CORO2B: variants seen among roughly 807,000 people sequenced by gnomAD.
CORO2B encodes coronin 2B.
CORO2B carries 26 observed loss-of-function variants against 58.8 expected under a neutral mutation model. The observed-to-expected ratio is 0.44, with a 90% CI of 0.32 to 0.61. The LOEUF is 0.61. CORO2B is among the 20% of genes least tolerant of loss of function. The probability of loss-of-function intolerance (pLI) is 0.04; values close to 1 mark genes in which losing one functional copy is unlikely to be tolerated. For missense variants in CORO2B, 460 were observed against 645.1 expected, an observed-to-expected ratio of 0.71 and a Z score of 3.11; for synonymous variants, 242 against 253.8, an observed-to-expected ratio of 0.95 and a Z score of 0.44.
chr15:68,543,497 G>T, the CORO2B span, among the ~76,000 whole-genome samples: 1 of 152,072 alleles, frequency 6.6e-6, no homozygotes, highest in Non-Finnish European at 1.5e-5. Context: ...GGGGCTGGTG[G>T]ATCCCCAATC....
In CORO2B at chr15:68,727,248, C is replaced by T. The variant is rs970791135; in HGVS notation, c.*1274C>T. The T allele has an allele frequency of 2.0e-5, 3 of 152,684 alleles. No individual in the cohort carries two copies. The highest frequency in any genetic ancestry group is 4.8e-5 in the African/African-American group (2 of 41,466). The allele number at this position is 152,684 out of a possible 1,614,324, so 9.5% of individuals were successfully genotyped here. A position where few individuals can be genotyped will look rare whatever the true frequency, so the allele number is the denominator to read the frequency against. On this transcript the variant is annotated 3_prime_UTR_variant, in exon 12 of 12. Transcript: ENST00000261861. ...TTTGACACATAGGATCTCATGGAGC[C>T]TCACGTCTACTCCCTTCTGCAGATG...
intron 2 of CORO2B, among the ~76,000 whole-genome samples, chr15:68,673,656 G>A (rs1902476326): frequency 6.6e-6 from 1 of 152,062 alleles, no homozygotes. Context: ...GGCCAACATA[G>A]TGAAACCCCG....
chr15:68,694,991 C>T, intron 2 of CORO2B, 149 bp from the exon 3 acceptor site: 1 of 628,806 alleles, frequency 1.6e-6, no homozygotes, highest in East Asian at 2.8e-5. Flanking sequence ...CTTGGCCCAG[C>T]AGGGCCCAAA....
At chr15:68,688,363 A>ATT (rs1903057429) in intron 2 of CORO2B, among the ~76,000 whole-genome samples, 1 of 152,176 alleles carries the variant, frequency 6.6e-6, no homozygotes, top group African/African-American at 2.4e-5. Context: ...AGCATTCTAA[A>ATT]TCCAAAAACC....
intron 3 of CORO2B, among the ~76,000 whole-genome samples, chr15:68,701,425 C>T (rs1378071754): frequency 6.7e-6 from 1 of 150,190 alleles, no homozygotes; most frequent in African/African-American, 2.4e-5. Flanking sequence ...CATTCTCCTG[C>T]CTCAGCCTCC....
chr15:68,531,093 C>G, the CORO2B span, among the ~76,000 whole-genome samples: 5 of 152,170 alleles, frequency 3.3e-5, no homozygotes, highest in Non-Finnish European at 5.9e-5. Flanking sequence ...CTTTTACATA[C>G]AATCCATGAC....
chr15:68,593,431 C>T (rs1293810627), intron 1 of CORO2B, among the ~76,000 whole-genome samples: 1 of 152,224 alleles, frequency 6.6e-6, no homozygotes, highest in African/African-American at 2.4e-5. Context: ...CAGGCAGTCA[C>T]ATTTCTTAAA....
intron 2 of CORO2B, among the ~76,000 whole-genome samples, chr15:68,665,845 T>C (rs1902174427): frequency 6.6e-6 from 1 of 152,224 alleles, no homozygotes. Context: ...TTGAGGTTTC[T>C]AGGGATACTA....
rs150675788 is a variant in CORO2B, at chr15:68,635,180, C to T, written c.16-9980C>T. Among the ~76,000 whole-genome samples, 856 of 152,316 alleles carry T rather than the reference C, an allele frequency of 5.6e-3. 3 individuals carry two copies. The highest frequency in any genetic ancestry group is 0.019 in the African/African-American group (806 of 41,566). Reference sequence around the variant, plus strand: ...AGGTTTTCCACCTTCACTCCTCTCCCCACTGGTCTTGAACCACCCATTTGA... The same window carrying T: ...AGGTTTTCCACCTTCACTCCTCTCCTCACTGGTCTTGAACCACCCATTTGA... On this transcript the variant is annotated intron_variant, in intron 1 of 11. Coordinates refer to ENST00000261861, the MANE Select transcript of CORO2B (RefSeq NM_006091.5).
chr15:68,530,153 T>C, the CORO2B span, among the ~76,000 whole-genome samples: 4 of 152,020 alleles, frequency 2.6e-5, no homozygotes, highest in Non-Finnish European at 5.9e-5. Context: ...TGAAACCCCG[T>C]CTCTACTGAA....
chr15:68,526,868 G>A, the CORO2B span, among the ~76,000 whole-genome samples: 3 of 152,206 alleles, frequency 2.0e-5, no homozygotes, highest in South Asian at 6.2e-4. Flanking sequence ...AAATTCCTAT[G>A]TTGAAGCTCT....
chr15:68,548,442 T>C, the CORO2B span, among the ~76,000 whole-genome samples: 1 of 152,124 alleles, frequency 6.6e-6, no homozygotes, highest in Non-Finnish European at 1.5e-5. Context: ...CCGCCATGAC[T>C]GATTTCAAGC....
chr15:68,660,359 T>C (rs146140711), intron 2 of CORO2B, among the ~76,000 whole-genome samples: 1 of 152,340 alleles, frequency 6.6e-6, no homozygotes, highest in African/African-American at 2.4e-5. Context: ...CTGTTAGCTC[T>C]TAAGCTTCTT....
At position 68,675,944 on chromosome 15, in the gene CORO2B, A is replaced by G. The variant is rs574461883; in HGVS notation, c.217-19196A>G. On this transcript the variant is annotated intron_variant, in intron 2 of 11. Coordinates refer to ENST00000261861, the MANE Select transcript of CORO2B (RefSeq NM_006091.5). ...ATAATAAAGTGGATTATAGGGTATA[A>G]TATAGTATAATAATAGAACAGAAAT... Among the ~76,000 whole-genome samples the G allele has an allele frequency of 3.9e-5, 6 of 152,320 alleles. No homozygotes were observed. In the South Asian group the frequency reaches 1.2e-3, roughly 32 times the overall value.
rs1893323807 is a variant in CORO2B at position 68,727,167 on chromosome 15, C to T, written c.*1193C>T. On this transcript the variant is annotated 3_prime_UTR_variant, in exon 12 of 12. Coordinates refer to ENST00000261861, the MANE Select transcript of CORO2B (RefSeq NM_006091.5). ...TCTCAGCCACTTTCAGCCTTATGCA[C>T]GTAGAATGACCACAGCCACTCGCAT... 1 of 152,604 alleles carries T rather than the reference C, an allele frequency of 6.6e-6. No individual in the cohort carries two copies. Among genetic ancestry groups the T allele is most frequent in the Non-Finnish European group, 1.5e-5 (1 of 68,078 alleles). 9.5% of individuals were successfully genotyped at this position (152,604 alleles called of 1,614,324 possible).
intron 1 of CORO2B, among the ~76,000 whole-genome samples, chr15:68,598,346 T>C (rs1403399933): frequency 1.3e-5 from 2 of 152,206 alleles, no homozygotes; most frequent in Non-Finnish European, 2.9e-5. Context: ...CACGTAAGCG[T>C]GTGCTTTGGT....
At chr15:68,596,152 C>T (rs961277955) in intron 1 of CORO2B, among the ~76,000 whole-genome samples, 1 of 152,008 alleles carries the variant, frequency 6.6e-6, no homozygotes, top group African/African-American at 2.4e-5. Flanking sequence ...AGAGATGCGA[C>T]GAAGTCATTA....
intron 2 of CORO2B, among the ~76,000 whole-genome samples, chr15:68,654,790 C>A (rs1490174138): frequency 6.6e-6 from 1 of 152,240 alleles, no homozygotes; most frequent in African/African-American, 2.4e-5. Flanking sequence ...CTCCAGGCCA[C>A]CCCATCCTAG....
intron 11 of CORO2B, among the ~76,000 whole-genome samples, chr15:68,721,682 A>G (rs1442947968): frequency 6.6e-6 from 1 of 152,184 alleles, no homozygotes; most frequent in Non-Finnish European, 1.5e-5. Flanking sequence ...TCATGGTGCT[A>G]TACTTTCTAT....
Sources: allele counts gnomAD v4.1 joint callset (sites outside exome capture counted in the v4.1 genomes callset), GRCh38; gene constraint gnomAD v4.1.1; transcripts MANE v1.5; gene names NCBI Gene and HGNC (gene_info 2026-07-23, HGNC 2026-07-21).